The following ARHGAP45 variants were observed in gnomAD, a reference collection of about 807,000 sequenced individuals.
The protein encoded by ARHGAP45 is rho GTPase-activating protein 45.
Under a neutral mutation model 116.1 loss-of-function variants are expected in ARHGAP45, and 56 were observed. The observed-to-expected ratio is 0.48, with a 90% CI of 0.39 to 0.60. ARHGAP45 has a LOEUF of 0.60. Ranked by LOEUF, ARHGAP45 falls within the 20% of genes least tolerant of loss-of-function variation. The pLI is 0.00. For synonymous variants in ARHGAP45, 866 were observed against 701.7 expected, an observed-to-expected ratio of 1.23 and a Z score of -3.70; for missense variants, 1,622 against 1,601.0, an observed-to-expected ratio of 1.01 and a Z score of -0.22.
chr19:1,080,410 G>A (rs1217584320), intron 14 of ARHGAP45, 31 bp downstream of exon 14: 1 of 1,609,222 alleles, frequency 6.2e-7, no homozygotes, highest in Non-Finnish European at 8.5e-7. Flanking sequence ...AGGGGCGGAC[G>A]CTGGCTCCCT....
chr19:1,077,672 C>A, intron 10 of ARHGAP45, 185 bp from the exon 11 acceptor site: 1 of 1,458,318 alleles, frequency 6.9e-7, no homozygotes, highest in African/African-American at 1.4e-5. Flanking sequence ...AGACGTGAGC[C>A]ACCGCGCCCG....
In ARHGAP45 at chr19:1,085,916, C is replaced by T. The variant is rs374136484; in HGVS notation, c.3321C>T (p.Asn1107=). ...GATTCAACACCAACCAGTCCAACAA[C>T]GTGCTGCAGGCCCCACTGCCCCCCA... ...LSGFNTNQSN[N]VLQAPLPPMR... The change falls in exon 23 of 23, where the codon AAC becomes AAT. Residue 1107 remains asparagine (N), a synonymous_variant. Transcript: ENST00000313093. The T allele has an allele frequency of 3.7e-5, 60 of 1,612,868 alleles. No homozygotes were observed. Among genetic ancestry groups the T allele is most frequent in the African/African-American group, 2.1e-4 (16 of 74,912 alleles).
rs752433231 is a variant in ARHGAP45, at chr19:1,080,261, C to T, written c.1710C>T (p.Pro570=). ...EPHVSANAWS[P]VMRARKSSFN... ...TCCCGGTTTCTTCCACTAGGTCCCCCGTCATGCGTGCCCGGAAGAGCAGCT... is the reference window on the plus strand; with the variant it reads ...TCCCGGTTTCTTCCACTAGGTCCCCTGTCATGCGTGCCCGGAAGAGCAGCT... The change falls in exon 14 of 23, where the codon CCC becomes CCT. Residue 570 remains proline (P), a synonymous_variant. Coordinates refer to ENST00000313093, the MANE Select transcript of ARHGAP45 (RefSeq NM_012292.5). 3.7e-6 allele frequency: 6 copies of T among 1,612,538 alleles called. No homozygotes were observed. In the East Asian group the frequency reaches 6.7e-5, roughly 18 times the overall value.
In ARHGAP45 at chr19:1,081,658, G is replaced by T. The variant is rs1568478538; in HGVS notation, c.2299G>T (p.Ala767Ser). The T allele has an allele frequency of 3.8e-6, 6 of 1,582,428 alleles. No individual in the cohort carries two copies. Among genetic ancestry groups the T allele is most frequent in the Non-Finnish European group, 5.2e-6 (6 of 1,165,010 alleles). The change falls in exon 18 of 23, where the codon GCC becomes TCC. Residue 767 changes from alanine to serine, a missense_variant. Physicochemically the swap from Ala to Ser is moderately conservative, Grantham distance 99 (BLOSUM62 1). Coordinates refer to ENST00000313093, the MANE Select transcript of ARHGAP45 (RefSeq NM_012292.5). ...GTTCGGCCAGGACTTCAGCCACGCG[G>T]CCCGCAGCGCCCCCGACGGCGTGCC... ...QLFGQDFSHAARSAPDGVPFI... is the reference protein window; with the variant it reads ...QLFGQDFSHASRSAPDGVPFI...
chr19:1,086,082 G>T lies in ARHGAP45; in HGVS notation c.*76G>T, dbSNP rs567421506. On this transcript the variant is annotated 3_prime_UTR_variant, in exon 23 of 23. Coordinates refer to ENST00000313093, the MANE Select transcript of ARHGAP45 (RefSeq NM_012292.5). ...CCCTCCAGCACGTCCCCTGCACCAC[G>T]GCATAGCTTAGGTGCGCCGTCCTGG... is the stretch of plus-strand genomic sequence containing the variant. 5 of 1,336,128 alleles carry T rather than the reference G, an allele frequency of 3.7e-6. No individual in the cohort carries two copies. The highest frequency in any genetic ancestry group is 1.4e-5 in the African/African-American group (1 of 69,240). 82.8% of individuals were successfully genotyped at this position (1,336,128 alleles called of 1,614,324 possible). A position where few individuals can be genotyped will look rare whatever the true frequency, so the allele number is the denominator to read the frequency against.
intron 10 of ARHGAP45, chr19:1,076,902 A>AT (rs1420069915): frequency 1.7e-5 from 8 of 463,578 alleles, no homozygotes; most frequent in Non-Finnish European, 1.1e-5. Context: ...AAATTTTTTA[A>AT]TTTTTTTGTA....
chr19:1,073,123 C>T (rs777408635), intron 2 of ARHGAP45, 26 bp from the exon 3 acceptor site: 1 of 1,594,000 alleles, frequency 6.3e-7, no homozygotes, highest in Non-Finnish European at 8.5e-7. Context: ...CCCTACCCCA[C>T]TGCTCACTCC....
Position 1,082,921 on chromosome 19 carries a change from G to GCCGAGC in ARHGAP45, c.2601_2602insGAGCCC (p.Ala867_Lys868insGluPro). 4 of 1,592,998 alleles carry GCCGAGC rather than the reference G, an allele frequency of 2.5e-6. No homozygotes were observed. The highest frequency in any genetic ancestry group is 1.7e-5 in the Admixed American group (1 of 57,452). On this transcript the variant is annotated inframe_insertion, in exon 20 of 23. Transcript: ENST00000313093. ...GGACAGCCTGAAGGCAGAGGCCGAG[G>GCCGAGC]CCAAGGCGGCGTCCCGGGGCCGGCA...
chr19:1,069,045 G>T lies in ARHGAP45; in HGVS notation c.421+301G>T, dbSNP rs532635709. Among the ~76,000 whole-genome samples the T allele has an allele frequency of 6.6e-6, 1 of 152,244 alleles. No individual in the cohort carries two copies. The highest frequency in any genetic ancestry group is 2.1e-4 in the South Asian group (1 of 4,822). On this transcript the variant is annotated intron_variant, in intron 2 of 22. Transcript: ENST00000313093. This position sits in a 1 kb window ranked among gnomAD's most constrained non-coding sequence, Gnocchi z 4.1. ...ACAGGCTCAGAAACACGGAAACAGA[G>T]AATGCATTTGGGGGCCAAGGTGTGG...
At chr19:1,084,498 C>G (rs193244913) in intron 22 of ARHGAP45, 152 bp downstream of exon 22, 2 of 613,754 alleles carry the variant, frequency 3.3e-6, no homozygotes, top group Admixed American at 6.5e-5. Flanking sequence ...CACCTATGAG[C>G]TACTCATTCA....
At chr19:1,074,535 AG>A in intron 8 of ARHGAP45, 78 bp from the exon 9 acceptor site, 2 of 1,423,550 alleles carry the variant, frequency 1.4e-6, no homozygotes, top group Non-Finnish European at 1.9e-6. Flanking sequence ...TGCAGGGACC[AG>A]GGAGCTGGTG....
At position 1,078,013 on chromosome 19, in the gene ARHGAP45, C is replaced by T. The variant is rs1265087868; in HGVS notation, c.1342C>T (p.Arg448Trp). The T allele has an allele frequency of 5.8e-6, 9 of 1,547,658 alleles. No homozygotes were observed. The highest frequency in any genetic ancestry group is 2.4e-5 in the East Asian group (1 of 41,572). The change falls in exon 11 of 23, where the codon CGG becomes TGG. Residue 448 changes from arginine to tryptophan, a missense_variant. Arg to Trp is a moderately radical substitution (Grantham distance 101). This residue lies in a region of ARHGAP45 where 1,334 missense variants were observed against 1,263.8 expected (regional missense o/e 1.06). Transcript: ENST00000313093. ...GSTATKTLDKRRRLEEEAKNK... is the reference protein window; with the variant it reads ...GSTATKTLDKWRRLEEEAKNK... ...CACGGCCACCAAGACCCTGGACAAG[C>T]GGCGGCGGCTGGAGGAGGAGGCCAA...
At chr19:1,075,027 G>GCCCCCC (rs539582612) in intron 10 of ARHGAP45, 148 bp downstream of exon 10, 1 of 440,434 alleles carries the variant, frequency 2.3e-6, no homozygotes, top group African/African-American at 2.4e-5. Flanking sequence ...AGGCTGGGCC[G>GCCCCCC]CCCCCCCCAA....
rs1275228141 is a variant in ARHGAP45 at position 1,079,559 on chromosome 19, G to A, written c.1375-144G>A. ...TCACCATGTTGCTCAGGCTGGTCTC[G>A]AACTCCTGGCCTCAAGCAAGTCTCC... On this transcript the variant is annotated intron_variant, in intron 11 of 22. Coordinates refer to ENST00000313093, the MANE Select transcript of ARHGAP45 (RefSeq NM_012292.5). 8.6e-6 allele frequency: 8 copies of A among 929,874 alleles called. No individual in the cohort carries two copies. In the Admixed American group the frequency reaches 1.5e-4, roughly 18 times the overall value. The allele number at this position is 929,874 out of a possible 1,614,324, so 57.6% of individuals were successfully genotyped here. A position where few individuals can be genotyped will look rare whatever the true frequency, so the allele number is the denominator to read the frequency against.
Position 1,080,064 on chromosome 19 carries a change from A to G in ARHGAP45, c.1649A>G (p.Asp550Gly). The G allele has an allele frequency of 6.2e-7, 1 of 1,612,640 alleles. No homozygotes were observed. Among genetic ancestry groups the G allele is most frequent in the Non-Finnish European group, 8.5e-7 (1 of 1,179,916 alleles). The stretch of plus-strand genomic sequence containing the variant: ...TCCCACGTGCGCCAGCTGCAGCGGG[A>G]CCAGGAGCCCGATGTGCACTACGAC... ...YASHVRQLQR[D>G]QEPDVHYDFE... is the part of the protein sequence containing the mutation. The change falls in exon 13 of 23, where the codon GAC (aspartate) becomes GGC (glycine). Residue 550 changes from aspartate to glycine, a missense_variant. Transcript: ENST00000313093.
Position 1,086,379 on chromosome 19 carries a change from T to G in ARHGAP45, c.*373T>G. 1 of 223,694 alleles carries G rather than the reference T, an allele frequency of 4.5e-6. No homozygotes were observed. Among genetic ancestry groups the G allele is most frequent in the East Asian group, 1.1e-4 (1 of 8,752 alleles). The allele number at this position is 223,694 out of a possible 1,614,324, so 13.9% of individuals were successfully genotyped here. A position where few individuals can be genotyped will look rare whatever the true frequency, so the allele number is the denominator to read the frequency against. ...GCAGGAGGCAGGCCCTGCCCTGCCC[T>G]CTCCTCACAGGTCTGTTGCAGGGAC... On this transcript the variant is annotated 3_prime_UTR_variant, in exon 23 of 23. Coordinates refer to ENST00000313093, the MANE Select transcript of ARHGAP45 (RefSeq NM_012292.5).
At position 1,086,013 on chromosome 19, in the gene ARHGAP45, G is replaced by C. The variant is rs777194332; in HGVS notation, c.*7G>C. The stretch of plus-strand genomic sequence containing the variant: ...GCAGCCGGAATTCGTGTGAGCTGGG[G>C]TGGGGCTGGGACCACAGGTGGCTTC... On this transcript the variant is annotated 3_prime_UTR_variant, in exon 23 of 23. Coordinates refer to ENST00000313093, the MANE Select transcript of ARHGAP45 (RefSeq NM_012292.5). 1.9e-6 allele frequency: 3 copies of C among 1,607,846 alleles called. No individual in the cohort carries two copies. In the South Asian group the frequency reaches 3.3e-5, roughly 18 times the overall value.
At chr19:1,077,638 G>A (rs962307040) in intron 10 of ARHGAP45, 35 of 1,417,894 alleles carry the variant, frequency 2.5e-5, no homozygotes, top group Middle Eastern at 2.6e-4. Context: ...CACCTGCCTC[G>A]GCCTCCCAAA....
chr19:1,084,339 G>T lies in ARHGAP45; in HGVS notation c.3057G>T (p.Gly1019=), dbSNP rs61741608. 3,754 of 1,608,248 alleles carry T rather than the reference G, an allele frequency of 2.3e-3. 83 individuals are homozygous for T. The African/African-American group carries it at 0.045, about 19-fold the overall frequency. ...VYPLQEAAAD[G]CRESRVVSND... ...CGCTGCAGGAGGCGGCGGCGGACGG[G>T]TGCAGAGGTGAGTGTGTGGCTGCCC... Residue 1019 remains glycine, a synonymous_variant, in exon 22 of 23, where the codon GGG becomes GGT. Transcript: ENST00000313093.
Sources: allele counts gnomAD v4.1 joint callset (sites outside exome capture counted in the v4.1 genomes callset), GRCh38; gene constraint gnomAD v4.1.1; regional missense constraint gnomAD v4.1.1; non-coding constraint Gnocchi (gnomAD v3.1); transcripts MANE v1.5; gene names NCBI Gene and HGNC (gene_info 2026-07-23, HGNC 2026-07-21).